Variants in ABCA5 observed in about 807,000 individuals in gnomAD.
ABCA5 encodes cholesterol transporter ABCA5.
A neutral mutation model predicts 206.0 loss-of-function variants in ABCA5; 163 were observed. The ratio of observed to expected loss-of-function variants is 0.79; its 90% CI spans 0.70 to 0.90. ABCA5 has a LOEUF of 0.90. ABCA5 is among the 40% of genes least tolerant of loss of function. The pLI is 0.00. For synonymous variants in ABCA5, 609 were observed against 613.8 expected (o/e 0.99, Z 0.11); for missense variants, 1,859 against 1,912.9 (o/e 0.97, Z 0.53).
chr17:69,259,767 G>A lies in ABCA5; in HGVS notation c.3670C>T (p.Leu1224Phe). Reference protein sequence around the residue: ...PYLQCVLWIFLLQYYEKKYGG... With the variant: ...PYLQCVLWIFFLQYYEKKYGG... ...TATTTTTTCTCATAGTATTGTAAGA[G>A]GAAAATCCACAGTACACACTGCAGG... is the stretch of plus-strand genomic sequence containing the variant. The change falls in exon 28 of 39, where the codon CTC (leucine) becomes TTC (phenylalanine). Residue 1224 changes from leucine (L) to phenylalanine (F), a missense_variant. By Grantham distance (22) the Leu-to-Phe change is conservative. Transcript: ENST00000392676. 2.5e-6 allele frequency: 4 copies of A among 1,608,302 alleles called. No homozygotes were observed. The South Asian group carries it at 3.3e-5, about 13-fold the overall frequency.
chr17:69,307,510 T>C (rs931658494), intron 5 of ABCA5, among the ~76,000 whole-genome samples: 1 of 152,088 alleles, frequency 6.6e-6, no homozygotes, highest in Non-Finnish European at 1.5e-5. Flanking sequence ...GTCTGTGCTG[T>C]GGATGGCTAA....
intron 34 of ABCA5, among the ~76,000 whole-genome samples, chr17:69,252,791 G>A (rs1000301517): frequency 2.0e-5 from 3 of 148,168 alleles, no homozygotes; most frequent in East Asian, 2.0e-4. Context: ...AAGCCAAGAC[G>A]GCACCACTGC....
intron 6 of ABCA5, among the ~76,000 whole-genome samples, chr17:69,305,943 T>C (rs2075712837): frequency 1.3e-5 from 2 of 152,192 alleles, no homozygotes; most frequent in African/African-American, 4.8e-5. Flanking sequence ...ATATGTTATA[T>C]ACAATAATTC....
chr17:69,321,997 T>C (rs2075868638), intron 1 of ABCA5, among the ~76,000 whole-genome samples: 1 of 152,192 alleles, frequency 6.6e-6, no homozygotes, highest in Non-Finnish European at 1.5e-5. Flanking sequence ...CCTTTTCTAA[T>C]GTATTAATTG....
intron 7 of ABCA5, among the ~76,000 whole-genome samples, chr17:69,303,405 C>T (rs950835459): frequency 6.6e-6 from 1 of 151,940 alleles, no homozygotes; most frequent in African/African-American, 2.4e-5. Context: ...GTGTGAGCCA[C>T]CACATCTGGT....
rs755566930 is a variant in ABCA5, at chr17:69,289,849, A to G, written c.1782+13T>C. 1 of 1,565,974 alleles carries G rather than the reference A, an allele frequency of 6.4e-7. No individual in the cohort carries two copies. The highest frequency in any genetic ancestry group is 8.7e-7 in the Non-Finnish European group (1 of 1,156,026). On this transcript the variant is annotated intron_variant, in intron 13 of 38. Coordinates refer to ENST00000392676, the MANE Select transcript of ABCA5 (RefSeq NM_172232.4). ...AGGAAATAAAAGTAAAGATTTCTATATGAATAGCATACTTCTTGTATTATA... is the reference window on the plus strand; with the variant it reads ...AGGAAATAAAAGTAAAGATTTCTATGTGAATAGCATACTTCTTGTATTATA...
intron 12 of ABCA5, 130 bp downstream of exon 12, chr17:69,291,086 G>A: frequency 2.0e-6 from 1 of 494,030 alleles, no homozygotes. Flanking sequence ...ACAACCACAT[G>A]TGTATAATCA....
intron 9 of ABCA5, among the ~76,000 whole-genome samples, chr17:69,299,170 G>A (rs2075623478): frequency 1.3e-5 from 2 of 152,178 alleles, no homozygotes; most frequent in Non-Finnish European, 2.9e-5. Context: ...AATAATAGAT[G>A]TTGGCATGGA....
chr17:69,256,221 T>A lies in ABCA5; in HGVS notation c.3794A>T (p.Asp1265Val). Reference sequence around the variant, plus strand: ...TAGTCTTTCAGCTTTGACATCTTCATCTTCATCCTCATTGTCTGGTGGTTC... The same window carrying A: ...TAGTCTTTCAGCTTTGACATCTTCAACTTCATCCTCATTGTCTGGTGGTTC... ...LPEPPDNEDEDEDVKAERLKV... is the reference protein window; with the variant it reads ...LPEPPDNEDEVEDVKAERLKV... The change falls in exon 29 of 39, where the codon GAT becomes GTT. Residue 1265 changes from aspartate to valine, a missense_variant. Physicochemically the swap from Asp to Val is radical, Grantham distance 152. Transcript: ENST00000392676. 6.2e-7 allele frequency: 1 copy of A among 1,610,948 alleles called. No homozygotes were observed. Among genetic ancestry groups the A allele is most frequent in the Non-Finnish European group, 8.5e-7 (1 of 1,178,226 alleles).
At chr17:69,294,752 ATTTATAAGTATGTGTGTTTAT>A in intron 10 of ABCA5, 39 bp from the exon 11 acceptor site, 2 of 1,355,084 alleles carry the variant, frequency 1.5e-6, no homozygotes, top group Non-Finnish European at 2.1e-6. Flanking sequence ...ATTTAAAGCA[ATTTATAAGTATGTGTGTTTAT>A]TTACCATGCA....
intron 1 of ABCA5, among the ~76,000 whole-genome samples, chr17:69,322,339 T>C (rs376158833): frequency 1.0e-4 from 11 of 109,320 alleles, no homozygotes; most frequent in African/African-American, 3.6e-4. Context: ...CAATCCAGCC[T>C]GGCAACAGAG....
At chr17:69,260,826 C>T (rs571090879) in intron 26 of ABCA5, among the ~76,000 whole-genome samples, 104 of 151,916 alleles carry the variant, frequency 6.8e-4, no homozygotes, top group Admixed American at 2.0e-3. Flanking sequence ...TAGTGAAATA[C>T]GTTATTTAAT....
At chr17:69,276,992 T>C (rs562051230) in intron 19 of ABCA5, among the ~76,000 whole-genome samples, 51 of 152,324 alleles carry the variant, frequency 3.3e-4, no homozygotes, top group African/African-American at 1.2e-3. Flanking sequence ...GCCTTATTAC[T>C]ACTGACATTT....
intron 7 of ABCA5, among the ~76,000 whole-genome samples, chr17:69,303,827 T>TATATATACATACATATATATAC (rs2075684078): frequency 5.9e-4 from 6 of 10,216 alleles, no homozygotes; most frequent in African/African-American, 1.2e-3. Context: ...TATATATATG[T>TATATATACATACATATATATAC]ATATATATAT....
intron 31 of ABCA5, among the ~76,000 whole-genome samples, chr17:69,254,875 A>C (rs1043258220): frequency 6.6e-6 from 1 of 152,164 alleles, no homozygotes; most frequent in East Asian, 1.9e-4. Context: ...TATAAAGCTA[A>C]GTCAGAGTTC....
intron 9 of ABCA5, 43 bp from the exon 10 acceptor site, chr17:69,297,402 T>G (rs769589372): frequency 6.5e-7 from 1 of 1,536,752 alleles, no homozygotes; most frequent in Non-Finnish European, 8.8e-7. Flanking sequence ...ATAATTAGTT[T>G]TTAAATCATA....
At chr17:69,265,599 C>T (rs2144922699) in intron 23 of ABCA5, among the ~76,000 whole-genome samples, 1 of 151,902 alleles carries the variant, frequency 6.6e-6, no homozygotes, top group Admixed American at 6.6e-5. Context: ...ATAAAAATAT[C>T]TACTCCTAAT....
In ABCA5 at chr17:69,276,939, C is replaced by T. The variant is rs76057482; in HGVS notation, c.2594+702G>A. 1.1e-4 allele frequency among the ~76,000 whole-genome samples: 16 copies of T among 152,304 alleles called. No individual in the cohort carries two copies. The East Asian group carries it at 3.1e-3, about 29-fold the overall frequency. ...GTCAAAGAAGAGCATATAAATTTAG[C>T]ATATTCCAAACATATAACAATATTC... On this transcript the variant is annotated intron_variant, in intron 19 of 38. Transcript: ENST00000392676.
At chr17:69,268,296 T>C (rs1321927442) in intron 22 of ABCA5, among the ~76,000 whole-genome samples, 1 of 152,186 alleles carries the variant, frequency 6.6e-6, no homozygotes, top group African/African-American at 2.4e-5. Context: ...CAAATCATTT[T>C]ACTTTCATTT....
Sources: gnomAD v4.1 joint callset for allele counts (sites outside exome capture counted in the v4.1 genomes callset) on GRCh38, gnomAD v4.1.1 for gene constraint, MANE v1.5 for transcripts, NCBI Gene and HGNC (gene_info 2026-07-23, HGNC 2026-07-21) for gene names.